The following NMT2 variants were observed in gnomAD, a reference collection of about 807,000 sequenced individuals.
NMT2 encodes N-myristoyltransferase 2, also known as glycylpeptide N-tetradecanoyltransferase 2.
Under a neutral mutation model 65.4 loss-of-function variants are expected in NMT2, and 35 were observed. That is an observed-to-expected ratio of 0.54 (90% CI 0.41 to 0.71). The LOEUF is 0.71. Among genes scored for constraint, NMT2 ranks in the 30% least tolerant of loss-of-function variants. The pLI is 0.00. For synonymous variants in NMT2, 226 were observed against 231.8 expected (o/e 0.98, Z 0.23); for missense variants, 489 against 611.3 (o/e 0.80, Z 2.11).
At chr10:15,137,013 G>A (rs969250752) in intron 2 of NMT2, among the ~76,000 whole-genome samples, 1 of 152,162 alleles carries the variant, frequency 6.6e-6, no homozygotes, top group African/African-American at 2.4e-5. Flanking sequence ...AATTCAGAAA[G>A]TGGTTAGAAG....
chr10:15,122,006 C>G (rs1308962169), intron 8 of NMT2, among the ~76,000 whole-genome samples: 1 of 152,124 alleles, frequency 6.6e-6, no homozygotes, highest in Non-Finnish European at 1.5e-5. Flanking sequence ...TCCAGATCTC[C>G]ACTGGAAATA....
rs183279393 is a variant in NMT2 at position 15,106,673 on chromosome 10, C to T, written c.*2522G>A. 5.2e-5 allele frequency: 51 copies of T among 984,904 alleles called. No homozygotes were observed. In the South Asian group the frequency reaches 1.6e-3, roughly 30 times the overall value. The allele number at this position is 984,904 out of a possible 1,614,324, so 61.0% of individuals were successfully genotyped here. ...ATAGAAAGGAGAGTTCCAACTCCTT[C>T]GTAGTGACCAAGGTCAACAAACTTT... On this transcript the variant is annotated 3_prime_UTR_variant, in exon 12 of 12. Transcript: ENST00000378165.
At chr10:15,136,493 T>TGGAA (rs1205963402) in intron 2 of NMT2, among the ~76,000 whole-genome samples, 98 of 147,714 alleles carry the variant, frequency 6.6e-4, no homozygotes, top group South Asian at 1.9e-3. Context: ...GAAGGACAGA[T>TGGAA]GGAAGGAAGG....
chr10:15,141,033 T>C, intron 2 of NMT2: 1 of 1,550,712 alleles, frequency 6.4e-7, no homozygotes, highest in Non-Finnish European at 8.7e-7. Flanking sequence ...TGTTGTGCTA[T>C]TCAGGTAATT....
chr10:15,143,974 C>CA (rs1846868622), intron 1 of NMT2, among the ~76,000 whole-genome samples: 1 of 152,084 alleles, frequency 6.6e-6, no homozygotes, highest in African/African-American at 2.4e-5. Flanking sequence ...ACTATTTCAC[C>CA]AAAAAATCCT....
chr10:15,157,743 T>G (rs1340142552), intron 1 of NMT2, among the ~76,000 whole-genome samples: 1 of 152,172 alleles, frequency 6.6e-6, no homozygotes, highest in Non-Finnish European at 1.5e-5. Flanking sequence ...AATGTATGAT[T>G]TTAAAAAAAT....
At position 15,130,341 on chromosome 10, in the gene NMT2, A is replaced by T. The variant is rs774386230; in HGVS notation, c.720-29T>A. 4 of 1,461,820 alleles carry T rather than the reference A, an allele frequency of 2.7e-6. No homozygotes were observed. The African/African-American group carries it at 4.3e-5, about 16-fold the overall frequency. 90.6% of individuals were successfully genotyped at this position (1,461,820 alleles called of 1,614,324 possible). On this transcript the variant is annotated intron_variant, in intron 6 of 11. Coordinates refer to ENST00000378165, the MANE Select transcript of NMT2 (RefSeq NM_004808.3). Reference sequence around the variant, plus strand: ...AGAAATAAAGATGGTGAAGATTAAGAGTCAAAACGAGATTCAAAATGAAGA... The same window carrying T: ...AGAAATAAAGATGGTGAAGATTAAGTGTCAAAACGAGATTCAAAATGAAGA...
intron 8 of NMT2, among the ~76,000 whole-genome samples, chr10:15,119,980 G>A (rs1485198392): frequency 2.0e-5 from 3 of 152,202 alleles, no homozygotes; most frequent in Non-Finnish European, 4.4e-5. Context: ...CACTGGTTGT[G>A]CATCTGTGGG....
intron 1 of NMT2, among the ~76,000 whole-genome samples, chr10:15,144,680 G>A (rs1220625217): frequency 2.6e-5 from 4 of 151,962 alleles, no homozygotes; most frequent in Admixed American, 6.6e-5. Context: ...GCAGTGAGCC[G>A]AGATTGCACC....
At chr10:15,144,660 A>G (rs1404640506) in intron 1 of NMT2, among the ~76,000 whole-genome samples, 8 of 152,004 alleles carry the variant, frequency 5.3e-5, no homozygotes, top group Non-Finnish European at 7.4e-5. Flanking sequence ...GAACCCGGGA[A>G]GCGGAGCTTG....
rs1057256541 is a variant in NMT2 at position 15,110,800 on chromosome 10, A to C, written c.1339-961T>G. Among the ~76,000 whole-genome samples, 10 of 152,180 alleles carry C rather than the reference A, an allele frequency of 6.6e-5. No homozygotes were observed. In the South Asian group the frequency reaches 1.0e-3, roughly 16 times the overall value. ...TTTATGTTTTATTTATTTATTTTTA[A>C]ATTTTTTTGAGATGGAGTCTCACTC... is the stretch of plus-strand genomic sequence containing the variant. On this transcript the variant is annotated intron_variant, in intron 10 of 11. Coordinates refer to ENST00000378165, the MANE Select transcript of NMT2 (RefSeq NM_004808.3).
intron 10 of NMT2, among the ~76,000 whole-genome samples, chr10:15,112,097 C>A (rs1462348581): frequency 7.2e-6 from 1 of 139,728 alleles, no homozygotes; most frequent in East Asian, 2.2e-4. Context: ...AAAAAAATTG[C>A]TGCTAGTTAT....
At chr10:15,141,394 A>G (rs775516761) in intron 2 of NMT2, 28 bp downstream of exon 2, 17 of 1,613,042 alleles carry the variant, frequency 1.1e-5, no homozygotes, top group Admixed American at 1.7e-5. Flanking sequence ...GAAACCACAC[A>G]GAGGAAAAAA....
At chr10:15,117,564 T>C (rs893301134) in intron 9 of NMT2, among the ~76,000 whole-genome samples, 2 of 152,120 alleles carry the variant, frequency 1.3e-5, no homozygotes, top group African/African-American at 4.8e-5. Flanking sequence ...GCAAGACCAA[T>C]AAATAAAGGC....
intron 3 of NMT2, 112 bp downstream of exon 3, chr10:15,135,162 T>A: frequency 9.3e-7 from 1 of 1,075,312 alleles, no homozygotes. Context: ...ATGAAATAAA[T>A]GATACATGTG....
Position 15,107,248 on chromosome 10 carries a change from T to G in NMT2, c.*1947A>C. ...TTTTCTCCTCAACCATTCCAGAAAATAAAAACATTCTTAGCCTGTGGGCTA... is the reference window on the plus strand; with the variant it reads ...TTTTCTCCTCAACCATTCCAGAAAAGAAAAACATTCTTAGCCTGTGGGCTA... On this transcript the variant is annotated 3_prime_UTR_variant, in exon 12 of 12. Coordinates refer to ENST00000378165, the MANE Select transcript of NMT2 (RefSeq NM_004808.3). 1 of 784,082 alleles carries G rather than the reference T, an allele frequency of 1.3e-6. No individual in the cohort carries two copies. The highest frequency in any genetic ancestry group is 1.5e-6 in the Non-Finnish European group (1 of 646,666). The allele number at this position is 784,082 out of a possible 1,614,324, so 48.6% of individuals were successfully genotyped here.
chr10:15,157,860 C>T (rs950339566), intron 1 of NMT2, among the ~76,000 whole-genome samples: 1 of 152,168 alleles, frequency 6.6e-6, no homozygotes, highest in African/African-American at 2.4e-5. Context: ...TATCAAATTA[C>T]TCTTATTGAG....
intron 1 of NMT2, among the ~76,000 whole-genome samples, chr10:15,143,495 T>G (rs1159235914): frequency 6.6e-6 from 1 of 152,224 alleles, no homozygotes; most frequent in African/African-American, 2.4e-5. Context: ...AGGCAGTGAC[T>G]GGGAAGGACG....
chr10:15,121,056 A>G (rs2131506073), intron 8 of NMT2, among the ~76,000 whole-genome samples: 1 of 152,322 alleles, frequency 6.6e-6, no homozygotes, highest in East Asian at 1.9e-4. Context: ...AGAACTGTTC[A>G]GGGGCCAGGG....
Sources: gnomAD v4.1 joint callset for allele counts (sites outside exome capture counted in the v4.1 genomes callset) on GRCh38, gnomAD v4.1.1 for gene constraint, MANE v1.5 for transcripts, NCBI Gene and HGNC (gene_info 2026-07-23, HGNC 2026-07-21) for gene names.